DOCK7: variants seen among roughly 807,000 people sequenced by gnomAD.
DOCK7 encodes dedicator of cytokinesis 7, also known as dedicator of cytokinesis protein 7.
A neutral mutation model predicts 271.0 loss-of-function variants in DOCK7; 138 were observed. The observed-to-expected ratio is 0.51, with a 90% CI of 0.44 to 0.59. The LOEUF is 0.59. Among genes scored for constraint, DOCK7 ranks in the 20% least tolerant of loss-of-function variants. DOCK7 has a pLI of 0.00. For synonymous variants in DOCK7, 823 were observed against 876.1 expected, an observed-to-expected ratio of 0.94 and a Z score of 1.07; for missense variants, 2,066 against 2,592.4, an observed-to-expected ratio of 0.80 and a Z score of 4.41.
chr1:62,537,304 C>T (rs775122438), intron 28 of DOCK7, among the ~76,000 whole-genome samples: 1 of 151,596 alleles, frequency 6.6e-6, no homozygotes, highest in African/African-American at 2.4e-5. Flanking sequence ...TGGGCTCGGC[C>T]GGGAGCGGTG....
At chr1:62,624,307 ACT>A (rs752047174) in intron 12 of DOCK7, among the ~76,000 whole-genome samples, 2 of 151,840 alleles carry the variant, frequency 1.3e-5, no homozygotes, top group Non-Finnish European at 2.9e-5. Flanking sequence ...TTTCTATTCT[ACT>A]CGTGTTTTCT....
At chr1:62,559,301 C>T in intron 19 of DOCK7, 81 bp from the exon 20 acceptor site, 1 of 1,004,438 alleles carries the variant, frequency 1.0e-6, no homozygotes, top group Non-Finnish European at 1.5e-6. Flanking sequence ...GGACCACAAA[C>T]ATGTCATATT....
At chr1:62,582,417 G>A (rs574650818) in intron 16 of DOCK7, among the ~76,000 whole-genome samples, 1 of 149,234 alleles carries the variant, frequency 6.7e-6, no homozygotes, top group East Asian at 2.0e-4. Flanking sequence ...GGGCGTAGTG[G>A]CGGGCGCCTG....
intron 29 of DOCK7, among the ~76,000 whole-genome samples, chr1:62,533,811 A>G (rs113148140): frequency 9.5e-4 from 144 of 152,330 alleles, no homozygotes; most frequent in African/African-American, 3.3e-3. Context: ...TTCAATAAAT[A>G]TATCAGCAGA....
Position 62,513,763 on chromosome 1 carries a change from G to A in DOCK7, c.4072C>T (p.Arg1358Trp), listed in dbSNP as rs149897555. 27 of 1,613,946 alleles carry A rather than the reference G, an allele frequency of 1.7e-5. No homozygotes were observed. Among genetic ancestry groups the A allele is most frequent in the South Asian group, 1.1e-4 (10 of 91,072 alleles). Residue 1358 changes from arginine (R) to tryptophan (W), a missense_variant, in exon 32 of 50, where the codon CGG (arginine) becomes TGG (tryptophan). Around this residue, in one of 2 missense-constraint regions of DOCK7, gnomAD observed 1,414 missense variants for 1,670.4 expected, o/e 0.85. Coordinates refer to ENST00000635253, the MANE Select transcript of DOCK7 (RefSeq NM_001367561.1). ...CAGAGATAAAGCAGATCTAATAGCC[G>A]GTTTAGCTGCAAGACTGAGAGATCT... ...FTDLSVLQLN[R>W]LLDLLYLCVS...
chr1:62,684,170 G>T (rs191649419), intron 1 of DOCK7, among the ~76,000 whole-genome samples: 2 of 149,950 alleles, frequency 1.3e-5, no homozygotes, highest in African/African-American at 4.9e-5. Context: ...AGCCGATTGC[G>T]CCACTTCACT....
intron 12 of DOCK7, among the ~76,000 whole-genome samples, chr1:62,623,995 A>C (rs953083437): frequency 6.6e-6 from 1 of 152,176 alleles, no homozygotes; most frequent in Non-Finnish European, 1.5e-5. Context: ...TCAGAATAAC[A>C]TCTCAGAAAA....
chr1:62,574,009 G>GT (rs1646867071), intron 18 of DOCK7, among the ~76,000 whole-genome samples: 1 of 152,166 alleles, frequency 6.6e-6, no homozygotes, highest in Non-Finnish European at 1.5e-5. Context: ...GAGTCAGGAA[G>GT]TACCTTGGCT....
chr1:62,480,918 A>AGAATGGC (rs1374069159), intron 43 of DOCK7, among the ~76,000 whole-genome samples: 2 of 146,696 alleles, frequency 1.4e-5, no homozygotes, highest in African/African-American at 5.0e-5. Flanking sequence ...CTGAGGCACG[A>AGAATGGC]GAATGGCGTG....
chr1:62,512,793 A>G (rs1398480676), intron 33 of DOCK7, among the ~76,000 whole-genome samples: 1 of 151,606 alleles, frequency 6.6e-6, no homozygotes, highest in Non-Finnish European at 1.5e-5. Flanking sequence ...CTACCAGGGT[A>G]GGTGTGTATT....
intron 20 of DOCK7, among the ~76,000 whole-genome samples, chr1:62,558,229 GT>G (rs942243527): frequency 6.6e-6 from 1 of 151,996 alleles, no homozygotes; most frequent in African/African-American, 2.4e-5. Flanking sequence ...GTTTCATGCT[GT>G]TTAATCTCCT....
intron 18 of DOCK7, among the ~76,000 whole-genome samples, chr1:62,569,615 C>A (rs551392571): frequency 6.6e-6 from 1 of 152,114 alleles, no homozygotes; most frequent in African/African-American, 2.4e-5. Context: ...TTATGAAAAA[C>A]CCACAGCCAA....
At chr1:62,667,547 T>G (rs1158185022) in intron 1 of DOCK7, among the ~76,000 whole-genome samples, 1 of 152,184 alleles carries the variant, frequency 6.6e-6, no homozygotes, top group Non-Finnish European at 1.5e-5. Context: ...AAACCCCATC[T>G]CTACTAAAAA....
intron 1 of DOCK7, among the ~76,000 whole-genome samples, chr1:62,686,163 T>A (rs1325588785): frequency 0.015 from 23 of 1,508 alleles, 10 homozygotes; most frequent in Admixed American, 0.027. Context: ...ATAACTTTTT[T>A]TTTTTTTTTT....
intron 21 of DOCK7, among the ~76,000 whole-genome samples, chr1:62,553,269 G>A (rs1645976670): frequency 7.2e-6 from 1 of 137,986 alleles, no homozygotes; most frequent in South Asian, 2.2e-4. Context: ...TCTTGACCTT[G>A]CGATCCGCCT....
chr1:62,610,366 C>T (rs1651609967), intron 14 of DOCK7, among the ~76,000 whole-genome samples: 1 of 151,996 alleles, frequency 6.6e-6, no homozygotes, highest in Admixed American at 6.6e-5. Flanking sequence ...TAACGTTCAG[C>T]TGAAATTTAT....
intron 42 of DOCK7, chr1:62,487,704 T>C (rs894542411): frequency 1.8e-5 from 5 of 282,924 alleles, no homozygotes. Context: ...CTAACTAAGG[T>C]GAGCTGCACT....
chr1:62,487,163 C>A, intron 43 of DOCK7: 3 of 349,798 alleles, frequency 8.6e-6, no homozygotes, highest in Non-Finnish European at 1.6e-5. Flanking sequence ...GCTCATTTAC[C>A]AAAGAATCTC....
intron 2 of DOCK7, among the ~76,000 whole-genome samples, chr1:62,662,616 C>A (rs190749323): frequency 1.8e-3 from 272 of 152,160 alleles, no homozygotes; most frequent in Non-Finnish European, 3.5e-3. Context: ...CAAAAATTAG[C>A]TGGGCATGGT....
Sources: allele counts gnomAD v4.1 joint callset (sites outside exome capture counted in the v4.1 genomes callset), GRCh38; gene constraint gnomAD v4.1.1; regional missense constraint gnomAD v4.1.1; transcripts MANE v1.5; gene names NCBI Gene and HGNC (gene_info 2026-07-23, HGNC 2026-07-21).